Variants in ARPP21 observed in about 807,000 individuals in gnomAD.
ARPP21 encodes cAMP-regulated phosphoprotein 21.
ARPP21 carries 69 observed loss-of-function variants against 113.2 expected under a neutral mutation model. That is an observed-to-expected ratio of 0.61 (90% CI 0.50 to 0.74). The LOEUF (loss-of-function observed/expected upper bound fraction) is 0.74, where lower values mean the gene tolerates loss of function less well. Ranked by LOEUF, ARPP21 falls within the 30% of genes least tolerant of loss-of-function variation. The pLI, the probability that ARPP21 is intolerant of heterozygous loss-of-function variation, is 0.00. For synonymous variants in ARPP21, 368 were observed against 375.5 expected (o/e 0.98, Z 0.23); for missense variants, 1,070 against 1,037.4 (o/e 1.03, Z -0.43).
chr3:35,683,710 C>T lies in ARPP21; in HGVS notation c.172-16C>T, dbSNP rs1250236150. 2 of 947,418 alleles carry T rather than the reference C, an allele frequency of 2.1e-6. No individual in the cohort carries two copies. Among genetic ancestry groups the T allele is most frequent in the African/African-American group, 1.6e-5 (1 of 62,244 alleles). 58.7% of individuals were successfully genotyped at this position (947,418 alleles called of 1,614,324 possible). ...CTTTATTTTCCTTTCCTTCCCTTTT[C>T]TTTCCCCCCTCCTAGTCAGGAGCAG... On this transcript the variant is annotated splice_polypyrimidine_tract_variant and intron_variant, in intron 4 of 20. Coordinates refer to ENST00000684406, the MANE Select transcript of ARPP21 (RefSeq NM_001385562.1).
At chr3:35,752,532 G>A (rs745547511) in intron 19 of ARPP21, among the ~76,000 whole-genome samples, 45 of 151,988 alleles carry the variant, frequency 3.0e-4, no homozygotes, top group Non-Finnish European at 5.4e-4. Flanking sequence ...CTGAAGATTC[G>A]TAAAAACATC....
chr3:35,667,876 AGAAGAAGAAGAAGAG>A (rs2074890596), intron 1 of ARPP21, among the ~76,000 whole-genome samples: 3 of 135,822 alleles, frequency 2.2e-5, no homozygotes, highest in African/African-American at 6.5e-5. Context: ...AAGAAGAAGA[AGAAGAAGAAGAAGAG>A]GAAGAGGAAG....
At chr3:35,764,032 T>C (rs1445795125) in intron 19 of ARPP21, among the ~76,000 whole-genome samples, 1 of 151,732 alleles carries the variant, frequency 6.6e-6, no homozygotes, top group Non-Finnish European at 1.5e-5. Context: ...AAAAGAAATA[T>C]GATTTTCAGA....
At chr3:35,656,293 T>G (rs891823808) in intron 1 of ARPP21, among the ~76,000 whole-genome samples, 2 of 152,034 alleles carry the variant, frequency 1.3e-5, no homozygotes, top group Admixed American at 1.3e-4. Context: ...CTGGATATTC[T>G]AAAAATCAAG....
At chr3:35,767,724 T>A (rs2096034124) in intron 19 of ARPP21, among the ~76,000 whole-genome samples, 1 of 152,176 alleles carries the variant, frequency 6.6e-6, no homozygotes, top group Non-Finnish European at 1.5e-5. Flanking sequence ...TCTGTCAGTT[T>A]GCAATGGCTG....
Position 35,687,842 on chromosome 3 carries a change from A to G in ARPP21, c.365A>G (p.Asp122Gly). The G allele has an allele frequency of 6.3e-7, 1 of 1,596,410 alleles. No individual in the cohort carries two copies. The highest frequency in any genetic ancestry group is 8.5e-7 in the Non-Finnish European group (1 of 1,173,458). The change falls in exon 6 of 21, where the codon GAT becomes GGT. Residue 122 changes from aspartate (D) to glycine (G), a missense_variant. Coordinates refer to ENST00000684406, the MANE Select transcript of ARPP21 (RefSeq NM_001385562.1). ...EREKEKDKNKDKTSEKPKIRM... is the reference protein window; with the variant it reads ...EREKEKDKNKGKTSEKPKIRM... ...GAAAAAGAAAAGGATAAAAACAAAG[A>G]TAAAACCTCTGAAAAACCCAAGATC...
At chr3:35,774,259 C>T (rs866449494) in intron 19 of ARPP21, among the ~76,000 whole-genome samples, 26 of 152,024 alleles carry the variant, frequency 1.7e-4, no homozygotes, top group African/African-American at 6.3e-4. Flanking sequence ...AAGAAAATTT[C>T]CCATATGATA....
chr3:35,699,309 T>C (rs1471756147), intron 9 of ARPP21, among the ~76,000 whole-genome samples: 2 of 151,642 alleles, frequency 1.3e-5, no homozygotes, highest in Non-Finnish European at 3.0e-5. Flanking sequence ...AGGAGAATTA[T>C]GCCCAGTACC....
At chr3:35,753,387 T>C (rs1164348531) in intron 19 of ARPP21, among the ~76,000 whole-genome samples, 6 of 152,050 alleles carry the variant, frequency 3.9e-5, no homozygotes, top group African/African-American at 1.4e-4. Flanking sequence ...TTCAAAGGTA[T>C]AATATGTTTC....
Position 35,653,927 on chromosome 3 carries a change from T to G in ARPP21, c.-213+13529T>G, listed in dbSNP as rs200701201. 1.5e-4 allele frequency among the ~76,000 whole-genome samples: 23 copies of G among 152,060 alleles called. No individual in the cohort carries two copies. In the East Asian group the frequency reaches 1.9e-3, roughly 13 times the overall value. On this transcript the variant is annotated intron_variant, in intron 1 of 20. Coordinates refer to ENST00000684406, the MANE Select transcript of ARPP21 (RefSeq NM_001385562.1). ...ACTGGAAAAGAAAAGTAAAATAAAT[T>G]TGGAGGGTTGTCACATTCTATAGCA...
At position 35,738,379 on chromosome 3, in the gene ARPP21, CT is replaced by C. The variant is rs549574891; in HGVS notation, c.1749+67del. 2.2e-4 allele frequency: 313 copies of C among 1,399,124 alleles called. No homozygotes were observed. In the African/African-American group the frequency reaches 3.2e-3, roughly 14 times the overall value. 86.7% of individuals were successfully genotyped at this position (1,399,124 alleles called of 1,614,324 possible). Reference sequence around the variant, plus strand: ...GAAAGCATATTCTCTGATTTTACTACTTTTTTGTGTGCCACTGGCTGACACT... The same window carrying C: ...GAAAGCATATTCTCTGATTTTACTACTTTTTGTGTGCCACTGGCTGACACT... On this transcript the variant is annotated intron_variant, in intron 17 of 20. Coordinates refer to ENST00000684406, the MANE Select transcript of ARPP21 (RefSeq NM_001385562.1).
intron 1 of ARPP21, among the ~76,000 whole-genome samples, chr3:35,677,329 T>A (rs2077773583): frequency 6.6e-6 from 1 of 151,662 alleles, no homozygotes; most frequent in South Asian, 2.1e-4. Flanking sequence ...ATTTTGATAG[T>A]GATGATGAAA....
chr3:35,751,478 G>A (rs2095402661), intron 19 of ARPP21, among the ~76,000 whole-genome samples: 1 of 152,068 alleles, frequency 6.6e-6, no homozygotes, highest in African/African-American at 2.4e-5. Flanking sequence ...GTAAGTAAGC[G>A]ATACTCCAAT....
intron 9 of ARPP21, among the ~76,000 whole-genome samples, chr3:35,705,152 A>G (rs1226134764): frequency 6.6e-6 from 1 of 152,098 alleles, no homozygotes; most frequent in Non-Finnish European, 1.5e-5. Flanking sequence ...TACAATCAAC[A>G]TCTGTATTTA....
At chr3:35,783,880 T>C (rs2096577202) in intron 19 of ARPP21, among the ~76,000 whole-genome samples, 1 of 152,172 alleles carries the variant, frequency 6.6e-6, no homozygotes, top group Non-Finnish European at 1.5e-5. Context: ...CACATGCTGA[T>C]CCTTATGTTT....
chr3:35,726,735 C>T (rs1228996001), intron 14 of ARPP21, among the ~76,000 whole-genome samples: 1 of 152,248 alleles, frequency 6.6e-6, no homozygotes, highest in Non-Finnish European at 1.5e-5. Context: ...CACACACACT[C>T]ATGCCATCAC....
At position 35,674,181 on chromosome 3, in the gene ARPP21, C is replaced by A. The variant is rs140550292; in HGVS notation, c.-212-5606C>A. Among the ~76,000 whole-genome samples the A allele has an allele frequency of 1.8e-3, 278 of 152,028 alleles. 1 individual carries two copies. In the Middle Eastern group the frequency reaches 0.024, roughly 13 times the overall value. ...TGCCCAAACAAGAGTATCATCATTT[C>A]AGAGGATCATTTCACGTTTTCATCC... is the stretch of plus-strand genomic sequence containing the variant. On this transcript the variant is annotated intron_variant, in intron 1 of 20. Coordinates refer to ENST00000684406, the MANE Select transcript of ARPP21 (RefSeq NM_001385562.1).
chr3:35,668,624 C>A (rs1433613425), intron 1 of ARPP21, among the ~76,000 whole-genome samples: 1 of 152,094 alleles, frequency 6.6e-6, no homozygotes, highest in Non-Finnish European at 1.5e-5. Context: ...TTTACATTTG[C>A]AAATTGCCAA....
chr3:35,707,109 G>T, intron 10 of ARPP21, 27 bp downstream of exon 10: 1 of 1,561,390 alleles, frequency 6.4e-7, no homozygotes, highest in South Asian at 1.1e-5. Flanking sequence ...GAGAGTGGCT[G>T]ACATTGTTGT....
Sources: gnomAD v4.1 joint callset for allele counts (sites outside exome capture counted in the v4.1 genomes callset) on GRCh38, gnomAD v4.1.1 for gene constraint, MANE v1.5 for transcripts, NCBI Gene and HGNC (gene_info 2026-07-23, HGNC 2026-07-21) for gene names.